The following ZNF843 variants were observed in gnomAD, a reference collection of about 807,000 sequenced individuals.
ZNF843 encodes zinc finger protein 843.
For synonymous variants in ZNF843, 185 were observed against 207.7 expected (o/e 0.89, Z 0.94); for missense variants, 482 against 469.4 (o/e 1.03, Z -0.25).
intron 1 of ZNF843, among the ~76,000 whole-genome samples, chr16:31,439,131 C>T (rs1382588128): frequency 6.6e-6 from 1 of 151,748 alleles, no homozygotes; most frequent in Non-Finnish European, 1.5e-5. Context: ...GCACATGTAC[C>T]CTAGAACTTA....
At chr16:31,442,162 T>G (rs1389487939) in intron 1 of ZNF843, among the ~76,000 whole-genome samples, 1 of 152,188 alleles carries the variant, frequency 6.6e-6, no homozygotes, top group African/African-American at 2.4e-5. Flanking sequence ...GGCCCGCCCC[T>G]TCCCTCCTGA....
chr16:31,439,080 A>G (rs1204877447), intron 1 of ZNF843, among the ~76,000 whole-genome samples: 1 of 152,084 alleles, frequency 6.6e-6, no homozygotes, highest in Non-Finnish European at 1.5e-5. Flanking sequence ...CAGCACACCA[A>G]CATGGCACAT....
chr16:31,442,080 A>G (rs2082202946), intron 1 of ZNF843, among the ~76,000 whole-genome samples: 1 of 152,182 alleles, frequency 6.6e-6, no homozygotes, highest in South Asian at 2.1e-4. Context: ...GCACTGCCGG[A>G]GAATCGCTGG....
chr16:31,439,227 A>G (rs1164122292), intron 1 of ZNF843, among the ~76,000 whole-genome samples: 1 of 152,192 alleles, frequency 6.6e-6, no homozygotes. Context: ...GCCCTTATGC[A>G]CCCACTAAAA....
In ZNF843 at chr16:31,436,813, C is replaced by T. The variant is rs1302872013; in HGVS notation, c.37G>A (p.Val13Ile). The T allele has an allele frequency of 1.9e-6, 3 of 1,549,446 alleles. No homozygotes were observed. The highest frequency in any genetic ancestry group is 1.4e-5 in the African/African-American group (1 of 73,054). ...SLPFALTVES[V>I]SARAPTCCST... Reference sequence around the variant, plus strand: ...CAGCAGGTAGGAGCTCTGGCTGAAACGCTTTCCACAGTCAGGGCAAAGGGG... The same window carrying T: ...CAGCAGGTAGGAGCTCTGGCTGAAATGCTTTCCACAGTCAGGGCAAAGGGG... The change falls in exon 2 of 2, where the codon GTT (valine) becomes ATT (isoleucine). Residue 13 changes from valine (V) to isoleucine (I), a missense_variant. Coordinates refer to ENST00000315678, the MANE Select transcript of ZNF843 (RefSeq NM_001136509.3).
At position 31,436,323 on chromosome 16, in the gene ZNF843, C is replaced by T; in HGVS notation, c.527G>A (p.Gly176Glu). The T allele has an allele frequency of 6.5e-7, 1 of 1,546,932 alleles. No homozygotes were observed. The highest frequency in any genetic ancestry group is 8.7e-7 in the Non-Finnish European group (1 of 1,144,000). The change falls in exon 2 of 2, where the codon GGG becomes GAG. Residue 176 changes from glycine (G) to glutamate (E), a missense_variant. Gly to Glu is a moderately conservative substitution (Grantham distance 98, BLOSUM62 -2). Coordinates refer to ENST00000315678, the MANE Select transcript of ZNF843 (RefSeq NM_001136509.3). ...TGCGAGGCTGACGCTCTCCACGCTC[C>T]CACCCCTGCAGGTCTTCTCCCCTGG... is the stretch of plus-strand genomic sequence containing the variant. ...PHPGEKTCRGGSVESVSLAPS... is the reference protein window; with the variant it reads ...PHPGEKTCRGESVESVSLAPS...
chr16:31,439,239 C>T (rs1459619160), intron 1 of ZNF843, among the ~76,000 whole-genome samples: 5 of 152,112 alleles, frequency 3.3e-5, no homozygotes, highest in Admixed American at 6.5e-5. Flanking sequence ...CCACTAAAAT[C>T]GAGCAGACTG....
rs1240219932 is a variant in ZNF843 at position 31,436,133 on chromosome 16, TG to T, written c.716del (p.Ala239GlufsTer176). ...GGCCTCCCAGAGGCACTGCAGGCAC[TG>T]CGGGAAGGCCGGATGGAACCAGAGG... is the stretch of plus-strand genomic sequence containing the variant. Reference protein sequence around the residue: ...LQPLVPSGLPAVPAVPLGGLE... With the variant: ...LQPLVPSGLPXVPAVPLGGLE... On this transcript the variant is annotated frameshift_variant, in exon 2 of 2. Transcript: ENST00000315678. LOFTEE classifies it low-confidence loss of function (END_TRUNC). 6.5e-7 allele frequency: 1 copy of T among 1,549,106 alleles called. No homozygotes were observed. The highest frequency in any genetic ancestry group is 2.4e-5 in the East Asian group (1 of 40,900).
chr16:31,436,333 A>G lies in ZNF843; in HGVS notation c.517T>C (p.Cys173Arg). 1 of 1,546,852 alleles carries G rather than the reference A, an allele frequency of 6.5e-7. No individual in the cohort carries two copies. Among genetic ancestry groups the G allele is most frequent in the Non-Finnish European group, 8.7e-7 (1 of 1,143,894 alleles). ...RVLPHPGEKT[C>R]RGGSVESVSL... ...ACGCTCTCCACGCTCCCACCCCTGC[A>G]GGTCTTCTCCCCTGGGTGCGGAAGG... is the stretch of plus-strand genomic sequence containing the variant. Residue 173 changes from cysteine to arginine, a missense_variant, in exon 2 of 2, where the codon TGC becomes CGC. By Grantham distance (180) the Cys-to-Arg change is radical. Transcript: ENST00000315678.
Position 31,436,653 on chromosome 16 carries a change from G to T in ZNF843, c.197C>A (p.Pro66Gln). ...SDWRETLSLSPVRQDLLWPLQ... is the reference protein window; with the variant it reads ...SDWRETLSLSQVRQDLLWPLQ... ...CGGCCACAGCAGGTCTTGCCGCACT[G>T]GGGACAGCGACAAGGTCTCTCGCCA... is the stretch of plus-strand genomic sequence containing the variant. The change falls in exon 2 of 2, where the codon CCA becomes CAA. Residue 66 changes from proline (P) to glutamine (Q), a missense_variant. Physicochemically the swap from Pro to Gln is moderately conservative, Grantham distance 76 (BLOSUM62 -1). Coordinates refer to ENST00000315678, the MANE Select transcript of ZNF843 (RefSeq NM_001136509.3). 6.4e-7 allele frequency: 1 copy of T among 1,551,500 alleles called. No individual in the cohort carries two copies. Among genetic ancestry groups the T allele is most frequent in the Non-Finnish European group, 8.7e-7 (1 of 1,146,986 alleles).
At position 31,436,372 on chromosome 16, in the gene ZNF843, G is replaced by C. The variant is rs1429888783; in HGVS notation, c.478C>G (p.Leu160Val). 1 of 1,548,148 alleles carries C rather than the reference G, an allele frequency of 6.5e-7. No homozygotes were observed. Among genetic ancestry groups the C allele is most frequent in the South Asian group, 1.2e-5 (1 of 83,634 alleles). ...CGDSVNEKTS[L>V]SQRVLPHPGE... ...GGGTGCGGAAGGACGCGCTGGGAGA[G>C]GGAGGTCTTCTCATTGACACTGTCA... is the stretch of plus-strand genomic sequence containing the variant. Residue 160 changes from leucine to valine, a missense_variant, in exon 2 of 2, where the codon CTC (leucine) becomes GTC (valine). Leu to Val is a conservative substitution (Grantham distance 32). Transcript: ENST00000315678.
At chr16:31,442,161 C>T (rs1180545356) in intron 1 of ZNF843, among the ~76,000 whole-genome samples, 5 of 152,228 alleles carry the variant, frequency 3.3e-5, no homozygotes, top group African/African-American at 1.2e-4. Context: ...TGGCCCGCCC[C>T]TTCCCTCCTG....
chr16:31,436,277 G>C lies in ZNF843; in HGVS notation c.573C>G (p.Asp191Glu). The C allele has an allele frequency of 6.5e-7, 1 of 1,549,100 alleles. No individual in the cohort carries two copies. The highest frequency in any genetic ancestry group is 2.4e-5 in the East Asian group (1 of 40,910). ...VSLAPSSVAP[D>E]STSGLRPCGS... ...CACAGGGCCGGAGCCCAGAGGTGCTGTCCGGGGCGACTGAGCTGGGTGCGA... is the reference window on the plus strand; with the variant it reads ...CACAGGGCCGGAGCCCAGAGGTGCTCTCCGGGGCGACTGAGCTGGGTGCGA... The change falls in exon 2 of 2, where the codon GAC becomes GAG. Residue 191 changes from aspartate (D) to glutamate (E), a missense_variant. Transcript: ENST00000315678.
In ZNF843 at chr16:31,436,261, G is replaced by A. The variant is rs752347193; in HGVS notation, c.589C>T (p.Arg197Trp). The stretch of plus-strand genomic sequence containing the variant: ...AAGGACCCGGGGCTCCCACAGGGCC[G>A]GAGCCCAGAGGTGCTGTCCGGGGCG... Reference protein sequence around the residue: ...SVAPDSTSGLRPCGSPGSFLQ... With the variant: ...SVAPDSTSGLWPCGSPGSFLQ... The change falls in exon 2 of 2, where the codon CGG becomes TGG. Residue 197 changes from arginine (R) to tryptophan (W), a missense_variant. Transcript: ENST00000315678. 5.2e-6 allele frequency: 8 copies of A among 1,547,070 alleles called. No individual in the cohort carries two copies. The highest frequency in any genetic ancestry group is 4.9e-5 in the East Asian group (2 of 40,890).
In ZNF843 at chr16:31,442,740, C is replaced by G. The variant is rs1597182525; in HGVS notation, c.-440G>C. On this transcript the variant is annotated 5_prime_UTR_variant, in exon 1 of 2. Transcript: ENST00000315678. ...GCCGCCCCCGAGAGACACGGCGGATCGGAACCCAGCCGGGCGCGTAGCTCC... is the reference window on the plus strand; with the variant it reads ...GCCGCCCCCGAGAGACACGGCGGATGGGAACCCAGCCGGGCGCGTAGCTCC... 1 of 152,168 alleles carries G rather than the reference C, an allele frequency of 6.6e-6. No individual in the cohort carries two copies. Among genetic ancestry groups the G allele is most frequent in the African/African-American group, 2.4e-5 (1 of 41,432 alleles). 9.4% of individuals were successfully genotyped at this position (152,168 alleles called of 1,614,324 possible).
intron 1 of ZNF843, among the ~76,000 whole-genome samples, chr16:31,438,332 T>C (rs1393636634): frequency 6.6e-6 from 1 of 152,230 alleles, no homozygotes; most frequent in Non-Finnish European, 1.5e-5. Flanking sequence ...TGAAACTCTT[T>C]TTTAAAAAGG....
At chr16:31,439,695 T>C (rs1006673767) in intron 1 of ZNF843, among the ~76,000 whole-genome samples, 3 of 152,172 alleles carry the variant, frequency 2.0e-5, no homozygotes, top group African/African-American at 4.8e-5. Context: ...AACTTACTCA[T>C]AGGGGCAGAA....
rs185204588 is a variant in ZNF843 at position 31,438,163 on chromosome 16, G to A, written c.-335-979C>T. ...CTGTCTGTATTAAAATTACAAAAGC[G>A]TGGTAAGGATCATTTCCTCATTAAC... is the stretch of plus-strand genomic sequence containing the variant. On this transcript the variant is annotated intron_variant, in intron 1 of 1. Coordinates refer to ENST00000315678, the MANE Select transcript of ZNF843 (RefSeq NM_001136509.3). 6.8e-4 allele frequency among the ~76,000 whole-genome samples: 104 copies of A among 152,210 alleles called. 1 individual carries two copies. The highest frequency in any genetic ancestry group is 2.4e-3 in the African/African-American group (100 of 41,540).
Position 31,435,547 on chromosome 16 carries a change from C to CT in ZNF843, c.*255dup. The CT allele has an allele frequency of 2.8e-6, 1 of 357,050 alleles. No homozygotes were observed. The allele number at this position is 357,050 out of a possible 1,614,324, so 22.1% of individuals were successfully genotyped here. On this transcript the variant is annotated 3_prime_UTR_variant, in exon 2 of 2. Coordinates refer to ENST00000315678, the MANE Select transcript of ZNF843 (RefSeq NM_001136509.3). ...TCACGCGATCCTCCCACCTCGGTCT[C>CT]TTAAAGCGCTGGGATTACAGGTGTG...
Sources: allele counts gnomAD v4.1 joint callset (sites outside exome capture counted in the v4.1 genomes callset), GRCh38; gene constraint gnomAD v4.1.1; transcripts MANE v1.5; gene names NCBI Gene and HGNC (gene_info 2026-07-23, HGNC 2026-07-21).